GPHN: variants seen among roughly 807,000 people sequenced by gnomAD.
GPHN encodes gephyrin.
A neutral mutation model predicts 95.5 loss-of-function variants in GPHN; 17 were observed. That is an observed-to-expected ratio of 0.18 (90% CI 0.12 to 0.27). The LOEUF (loss-of-function observed/expected upper bound fraction) is 0.27, where lower values mean the gene tolerates loss of function less well. Among genes scored for constraint, GPHN ranks in the 10% least tolerant of loss-of-function variants. The pLI is 1.00. For synonymous variants in GPHN, 320 were observed against 322.5 expected (o/e 0.99, Z 0.08); for missense variants, 660 against 978.1 (o/e 0.67, Z 4.34).
the GPHN span, among the ~76,000 whole-genome samples, chr14:67,489,350 G>A: frequency 6.6e-6 from 1 of 152,162 alleles, no homozygotes; most frequent in African/African-American, 2.4e-5. Context: ...TCATCCTTAA[G>A]GCACATGTCT....
intron 2 of GPHN, among the ~76,000 whole-genome samples, chr14:66,731,937 G>C (rs1838152626): frequency 6.6e-6 from 1 of 152,228 alleles, no homozygotes; most frequent in South Asian, 2.1e-4. Flanking sequence ...TTGGTCCATT[G>C]CTTCAGAGGG....
the GPHN span, chr14:67,360,068 C>G: frequency 2.3e-6 from 1 of 427,394 alleles, no homozygotes; most frequent in South Asian, 6.2e-5. Context: ...CTCCACCTTT[C>G]GTCTTTGGTC....
intron 1 of GPHN, among the ~76,000 whole-genome samples, chr14:66,535,129 C>G (rs1194222994): frequency 6.6e-6 from 1 of 151,822 alleles, no homozygotes; most frequent in African/African-American, 2.4e-5. Context: ...ACTCAAAGCT[C>G]TATGATGCAT....
chr14:66,593,312 A>C lies in GPHN; in HGVS notation c.64+84721A>C, dbSNP rs191165844. ...AACTTAAAGTATTTAAAAAAAAAAA[A>C]AAACAAACAACTGTCCGATACTGGG... On this transcript the variant is annotated intron_variant, in intron 1 of 22. Transcript: ENST00000478722. 1.3e-3 allele frequency among the ~76,000 whole-genome samples: 199 copies of C among 152,190 alleles called. 1 individual carries two copies. The East Asian group carries it at 0.02, about 15-fold the overall frequency.
chr14:66,936,930 G>A lies in GPHN; in HGVS notation c.828+12638G>A, dbSNP rs879416226. Reference sequence around the variant, plus strand: ...CTTCAACTTGCAAAGTTGTAAAATCGTGTAAAACAATGAAAAGTACAGATA... The same window carrying A: ...CTTCAACTTGCAAAGTTGTAAAATCATGTAAAACAATGAAAAGTACAGATA... On this transcript the variant is annotated intron_variant, in intron 8 of 22. Transcript: ENST00000478722. Among the ~76,000 whole-genome samples, 15 of 152,258 alleles carry A rather than the reference G, an allele frequency of 9.9e-5. No individual in the cohort carries two copies. In the East Asian group the frequency reaches 1.2e-3, roughly 12 times the overall value.
At chr14:67,579,118 T>TCTCC in the GPHN span, 1 of 1,310,380 alleles carries the variant, frequency 7.6e-7, no homozygotes, top group South Asian at 1.2e-5. Flanking sequence ...AATACTCCCC[T>TCTCC]CTTCCGTCTT....
At chr14:67,012,050 C>T (rs558228354) in intron 9 of GPHN, among the ~76,000 whole-genome samples, 3 of 152,236 alleles carry the variant, frequency 2.0e-5, no homozygotes, top group African/African-American at 7.2e-5. Context: ...CACCTCCTGG[C>T]ATTATTAATA....
At chr14:66,798,884 A>G (rs2060249898) in intron 3 of GPHN, among the ~76,000 whole-genome samples, 1 of 150,410 alleles carries the variant, frequency 6.6e-6, no homozygotes, top group South Asian at 2.1e-4. Flanking sequence ...TTGCTTGTCT[A>G]GTTCTTTAAG....
intron 9 of GPHN, among the ~76,000 whole-genome samples, chr14:67,000,498 A>G (rs551415596): frequency 2.6e-5 from 4 of 151,854 alleles, no homozygotes; most frequent in African/African-American, 9.6e-5. Flanking sequence ...GAAAATCTTT[A>G]ATAATGATTT....
At chr14:67,304,453 T>C in the GPHN span, among the ~76,000 whole-genome samples, 1 of 152,242 alleles carries the variant, frequency 6.6e-6, no homozygotes. Context: ...GGATATTATT[T>C]GATAATTTTA....
intron 1 of GPHN, among the ~76,000 whole-genome samples, chr14:66,564,684 A>G (rs532787996): frequency 1.5e-4 from 23 of 152,182 alleles, no homozygotes; most frequent in African/African-American, 5.5e-4. Flanking sequence ...TTTCTTTTCC[A>G]TTTCTTACAA....
intron 10 of GPHN, among the ~76,000 whole-genome samples, chr14:67,047,334 T>TTGTGTGTGTGTGTGTG (rs778266656): frequency 2.4e-4 from 26 of 109,702 alleles, no homozygotes; most frequent in African/African-American, 9.1e-4. Context: ...GTGTGTGTGT[T>TTGTGTGTGTGTGTGTG]TGTGTGTGTG....
At chr14:67,574,391 C>A in the GPHN span, 1 of 1,574,318 alleles carries the variant, frequency 6.4e-7, no homozygotes, top group Non-Finnish European at 8.6e-7. The surrounding 1 kb of genome is among the most constrained non-coding windows in gnomAD (Gnocchi z 4.2). Flanking sequence ...CCGTGAAGGG[C>A]TGGCTGACCA....
At chr14:66,601,144 A>T (rs1487535527) in intron 1 of GPHN, among the ~76,000 whole-genome samples, 1 of 152,060 alleles carries the variant, frequency 6.6e-6, no homozygotes, top group Non-Finnish European at 1.5e-5. Flanking sequence ...CCAAAGTAGT[A>T]TAACTGATAC....
At chr14:67,259,584 T>C in the GPHN span, among the ~76,000 whole-genome samples, 6 of 151,708 alleles carry the variant, frequency 4.0e-5, no homozygotes, top group Non-Finnish European at 8.8e-5. Context: ...TGCACTTCAG[T>C]TTGGGCAACA....
At chr14:67,075,596 A>C (rs2076464628) in intron 11 of GPHN, among the ~76,000 whole-genome samples, 1 of 152,214 alleles carries the variant, frequency 6.6e-6, no homozygotes, top group Non-Finnish European at 1.5e-5. Context: ...TCACCATTCT[A>C]GATGTCATTA....
At chr14:67,180,029 T>A (rs1325487343) in intron 22 of GPHN, among the ~76,000 whole-genome samples, 5 of 152,340 alleles carry the variant, frequency 3.3e-5, no homozygotes, top group Admixed American at 3.3e-4. Flanking sequence ...TATACCATCT[T>A]GAAATGTGAG....
At chr14:67,054,094 A>T (rs989334459) in intron 10 of GPHN, among the ~76,000 whole-genome samples, 1 of 152,166 alleles carries the variant, frequency 6.6e-6, no homozygotes, top group Non-Finnish European at 1.5e-5. Flanking sequence ...TCAACATAGA[A>T]TTGGAAATTC....
chr14:67,514,661 C>T, the GPHN span, among the ~76,000 whole-genome samples: 2 of 152,138 alleles, frequency 1.3e-5, no homozygotes, highest in Non-Finnish European at 2.9e-5. Flanking sequence ...CAGCTTCCAC[C>T]CAGACTGTCA....
Sources: gnomAD v4.1 joint callset for allele counts (sites outside exome capture counted in the v4.1 genomes callset) on GRCh38, gnomAD v4.1.1 for gene constraint, Gnocchi (gnomAD v3.1) non-coding constraint, MANE v1.5 for transcripts, NCBI Gene and HGNC (gene_info 2026-07-23, HGNC 2026-07-21) for gene names.